The following MFSD12 variants were observed in gnomAD, a reference collection of about 807,000 sequenced individuals.
The protein encoded by MFSD12 is major facilitator superfamily domain-containing protein 12.
A neutral mutation model predicts 51.2 loss-of-function variants in MFSD12; 67 were observed. That is an observed-to-expected ratio of 1.31 (90% CI 1.08 to 1.60). The LOEUF is 1.60. MFSD12 is among the 40% of genes most tolerant of loss of function. The pLI, the probability that MFSD12 is intolerant of heterozygous loss-of-function variation, is 0.00. For synonymous variants in MFSD12, 441 were observed against 316.7 expected, an observed-to-expected ratio of 1.39 and a Z score of -4.17; for missense variants, 921 against 673.0, an observed-to-expected ratio of 1.37 and a Z score of -4.08.
downstream of MFSD12, among the ~76,000 whole-genome samples, chr19:3,541,388 T>C (rs1432279806): frequency 6.7e-6 from 1 of 150,158 alleles, no homozygotes; most frequent in Non-Finnish European, 1.5e-5. Context: ...AGTGGAATGA[T>C]CTCAGCTCAC....
chr19:3,546,406 A>T lies in MFSD12; in HGVS notation c.1043T>A (p.Leu348His). The T allele has an allele frequency of 2.5e-6, 4 of 1,607,020 alleles. No homozygotes were observed. The highest frequency in any genetic ancestry group is 2.5e-6 in the Non-Finnish European group (3 of 1,177,508). ...GGCGGCAAAGGCCAGGATCACCAGG[A>T]GGCCTGAGAAGTAGGTCATCTGCAG... ...IGRNMTYFSG[L>H]LVILAFAAWV... is the part of the protein sequence containing the mutation. Residue 348 changes from leucine (L) to histidine (H), a missense_variant, in exon 7 of 10, where the codon CTC becomes CAC. Physicochemically the swap from Leu to His is moderately conservative, Grantham distance 99. Coordinates refer to ENST00000355415, the MANE Select transcript of MFSD12 (RefSeq NM_174983.5).
intron 2 of MFSD12, among the ~76,000 whole-genome samples, chr19:3,549,496 G>T (rs984335967): frequency 6.6e-6 from 1 of 152,146 alleles, no homozygotes; most frequent in Non-Finnish European, 1.5e-5. Context: ...GGCTGAGGCA[G>T]GCAGATCACT....
rs1031529425 is a variant in MFSD12, at chr19:3,551,310, C to A, written c.299-116G>T. The stretch of plus-strand genomic sequence containing the variant: ...GAGGCACAGATGGAGACGCCCCCCG[C>A]ATGCACACAGTCACGCAGGAGCGAG... On this transcript the variant is annotated intron_variant, in intron 1 of 9. Transcript: ENST00000355415. The surrounding 1 kb of genome is among the most constrained non-coding windows in gnomAD (Gnocchi z 4.6). 25 of 793,924 alleles carry A rather than the reference C, an allele frequency of 3.1e-5. No individual in the cohort carries two copies. Among genetic ancestry groups the A allele is most frequent in the Non-Finnish European group, 4.7e-5 (24 of 509,808 alleles). 49.2% of individuals were successfully genotyped at this position (793,924 alleles called of 1,614,324 possible). A position where few individuals can be genotyped will look rare whatever the true frequency, so the allele number is the denominator to read the frequency against.
At chr19:3,543,651 A>T, downstream of MFSD12, 1 of 1,543,154 alleles carries the variant, frequency 6.5e-7, no homozygotes, top group Non-Finnish European at 8.7e-7. Flanking sequence ...GCGCTGTGGA[A>T]AGACAGGCCA....
At chr19:3,548,782 A>G (rs1400644811) in intron 2 of MFSD12, among the ~76,000 whole-genome samples, 1 of 152,250 alleles carries the variant, frequency 6.6e-6, no homozygotes, top group East Asian at 1.9e-4. Context: ...GCAGGAGGTC[A>G]GCTGGCAAAG....
Position 3,544,204 on chromosome 19 carries a change from T to C in MFSD12, c.*506A>G. Reference sequence around the variant, plus strand: ...CAGGCAGACAGGAGCCAGGCTGCCGTCATCTCTTTATTTGCTGCCAGCAGA... The same window carrying C: ...CAGGCAGACAGGAGCCAGGCTGCCGCCATCTCTTTATTTGCTGCCAGCAGA... On this transcript the variant is annotated 3_prime_UTR_variant, in exon 10 of 10. Transcript: ENST00000355415. 1.5e-6 allele frequency: 2 copies of C among 1,355,934 alleles called. No homozygotes were observed. Among genetic ancestry groups the C allele is most frequent in the South Asian group, 3.9e-5 (2 of 51,690 alleles). The allele number at this position is 1,355,934 out of a possible 1,614,324, so 84.0% of individuals were successfully genotyped here.
intron 7 of MFSD12, 35 bp from the exon 8 acceptor site, chr19:3,546,203 C>G: frequency 6.2e-7 from 1 of 1,609,228 alleles, no homozygotes. Flanking sequence ...CAGCGTGCAC[C>G]CCGAGATCTA....
At chr19:3,542,147 T>C (rs1253091507), downstream of MFSD12, 3 of 985,290 alleles carry the variant, frequency 3.0e-6, no homozygotes, top group Non-Finnish European at 3.6e-6. Flanking sequence ...AAAAGCTACA[T>C]GTGTCTTGCA....
downstream of MFSD12, chr19:3,542,850 C>T: frequency 7.2e-7 from 1 of 1,381,402 alleles, no homozygotes; most frequent in Non-Finnish European, 9.7e-7. Flanking sequence ...TCCTGGTGCA[C>T]CTCCAGGCCA....
rs557968512 is a variant in MFSD12 at position 3,545,205 on chromosome 19, C to T, written c.1290-266G>A. On this transcript the variant is annotated intron_variant, in intron 8 of 9. Transcript: ENST00000355415. ...AGCCCCAGCATGGCCCGCCTGCACC[C>T]GCCCCGGTCCCAGGCTGCAACTTCT... Among the ~76,000 whole-genome samples, 16 of 152,344 alleles carry T rather than the reference C, an allele frequency of 1.1e-4. No homozygotes were observed. In the East Asian group the frequency reaches 1.5e-3, roughly 15 times the overall value.
intron 2 of MFSD12, among the ~76,000 whole-genome samples, 186 bp from the exon 3 acceptor site, chr19:3,548,453 A>G (rs2031259716): frequency 6.6e-6 from 1 of 152,166 alleles, no homozygotes; most frequent in African/African-American, 2.4e-5. Context: ...CACATTACCT[A>G]ACGCGGGAAA....
chr19:3,545,955 G>C (rs2030983276), intron 8 of MFSD12, 119 bp downstream of exon 8: 3 of 992,040 alleles, frequency 3.0e-6, no homozygotes, highest in Non-Finnish European at 1.6e-6. Flanking sequence ...ACTCCCATTG[G>C]GGCAGGTGTC....
rs539129106 is a variant in MFSD12 at position 3,551,266 on chromosome 19, G to T, written c.299-72C>A. On this transcript the variant is annotated intron_variant, in intron 1 of 9. Coordinates refer to ENST00000355415, the MANE Select transcript of MFSD12 (RefSeq NM_174983.5). This position sits in a 1 kb window ranked among gnomAD's most constrained non-coding sequence, Gnocchi z 4.6. Reference sequence around the variant, plus strand: ...AGGGCTCCCAGGGTGAGGACATGGAGGGAGGAGAGAGGGAAACTGAGGCAC... The same window carrying T: ...AGGGCTCCCAGGGTGAGGACATGGATGGAGGAGAGAGGGAAACTGAGGCAC... 8 of 1,264,358 alleles carry T rather than the reference G, an allele frequency of 6.3e-6. No homozygotes were observed. The East Asian group carries it at 2.0e-4, about 32-fold the overall frequency. 78.3% of individuals were successfully genotyped at this position (1,264,358 alleles called of 1,614,324 possible).
At chr19:3,544,982 C>T (rs773685016) in intron 8 of MFSD12, 43 bp from the exon 9 acceptor site, 1 of 1,539,458 alleles carries the variant, frequency 6.5e-7, no homozygotes, top group Non-Finnish European at 8.7e-7. Flanking sequence ...GCGGGTACCA[C>T]CCCCCCGCCA....
chr19:3,547,028 C>T (rs954197180), intron 6 of MFSD12, among the ~76,000 whole-genome samples: 12 of 152,274 alleles, frequency 7.9e-5, no homozygotes, highest in East Asian at 3.9e-4. Context: ...TTAGTAGAGA[C>T]GGGGTTTCAC....
chr19:3,543,036 G>A (rs2030558514), downstream of MFSD12: 6 of 1,606,284 alleles, frequency 3.7e-6, no homozygotes, highest in East Asian at 2.2e-5. Context: ...TGTGGGGAGA[G>A]GGGGAGTCAG....
chr19:3,540,282 G>C (rs2030265781), downstream of MFSD12, among the ~76,000 whole-genome samples: 1 of 150,510 alleles, frequency 6.6e-6, no homozygotes, highest in Non-Finnish European at 1.5e-5. Context: ...TTTTTGGACG[G>C]AGTCTCACTC....
chr19:3,543,729 C>T, downstream of MFSD12: 1 of 1,495,336 alleles, frequency 6.7e-7, no homozygotes, highest in Non-Finnish European at 9.0e-7. Context: ...GGGACAAGGC[C>T]ACCTAGGCCA....
rs2145212591 is a variant in MFSD12, at chr19:3,551,864, C to T, written c.299-670G>A. On this transcript the variant is annotated intron_variant, in intron 1 of 9. Coordinates refer to ENST00000355415, the MANE Select transcript of MFSD12 (RefSeq NM_174983.5). This position sits in a 1 kb window ranked among gnomAD's most constrained non-coding sequence, Gnocchi z 4.6. Reference sequence around the variant, plus strand: ...CCCTTCTCTCTCTGCTCCAGCCATGCAGGTCTCCTCACTGCAGGACCTCTT... The same window carrying T: ...CCCTTCTCTCTCTGCTCCAGCCATGTAGGTCTCCTCACTGCAGGACCTCTT... Among the ~76,000 whole-genome samples the T allele has an allele frequency of 6.6e-6, 1 of 152,300 alleles. No homozygotes were observed. Among genetic ancestry groups the T allele is most frequent in the African/African-American group, 2.4e-5 (1 of 41,568 alleles).
Sources: gnomAD v4.1 joint callset for allele counts (sites outside exome capture counted in the v4.1 genomes callset) on GRCh38, gnomAD v4.1.1 for gene constraint, Gnocchi (gnomAD v3.1) non-coding constraint, MANE v1.5 for transcripts, NCBI Gene and HGNC (gene_info 2026-07-23, HGNC 2026-07-21) for gene names.